EPB41L4A: variants seen among roughly 807,000 people sequenced by gnomAD.
EPB41L4A encodes the protein erythrocyte membrane protein band 4.1 like 4A.
Under a neutral mutation model 108.6 loss-of-function variants are expected in EPB41L4A, and 100 were observed. That is an observed-to-expected ratio of 0.92 (90% confidence interval 0.78 to 1.09). The LOEUF is 1.09. EPB41L4A is among the 50% of genes least tolerant of loss of function. The pLI is 0.00. For synonymous variants in EPB41L4A, 319 were observed against 289.0 expected (o/e 1.10, Z -1.05); for missense variants, 1,030 against 842.7 (o/e 1.22, Z -2.75).
At chr5:112,373,656 C>T (rs753188677) in intron 1 of EPB41L4A, among the ~76,000 whole-genome samples, 10 of 152,172 alleles carry the variant, frequency 6.6e-5, no homozygotes, top group Non-Finnish European at 1.0e-4. Flanking sequence ...ACTTGCCCAG[C>T]CAGCAAGTGG....
intron 1 of EPB41L4A, among the ~76,000 whole-genome samples, chr5:112,383,884 C>T (rs1760326765): frequency 6.6e-6 from 1 of 152,120 alleles, no homozygotes; most frequent in South Asian, 2.1e-4. Context: ...TTGTATATCT[C>T]AAGATAAATT....
intron 10 of EPB41L4A, among the ~76,000 whole-genome samples, chr5:112,240,465 AT>A (rs1749688865): frequency 6.6e-6 from 1 of 152,208 alleles, no homozygotes; most frequent in African/African-American, 2.4e-5. Context: ...AACCTAAAAA[AT>A]ATTACCTCGA....
chr5:112,193,333 T>C (rs1336144463), intron 17 of EPB41L4A, among the ~76,000 whole-genome samples: 2 of 152,168 alleles, frequency 1.3e-5, no homozygotes, highest in Non-Finnish European at 2.9e-5. Flanking sequence ...ATGAAGTTTC[T>C]CTCTTGCTGC....
chr5:112,401,652 T>C (rs1034291941), intron 1 of EPB41L4A, among the ~76,000 whole-genome samples: 1 of 152,222 alleles, frequency 6.6e-6, no homozygotes, highest in African/African-American at 2.4e-5. Context: ...TGTATCTTTA[T>C]TGACTCTCAC....
chr5:112,351,211 A>T (rs1423147825), intron 1 of EPB41L4A, among the ~76,000 whole-genome samples: 2 of 152,220 alleles, frequency 1.3e-5, no homozygotes, highest in Non-Finnish European at 2.9e-5. Flanking sequence ...TTAAAAAGGT[A>T]AACAAAATCA....
At chr5:112,235,022 G>C (rs926482850) in intron 11 of EPB41L4A, among the ~76,000 whole-genome samples, 1 of 152,196 alleles carries the variant, frequency 6.6e-6, no homozygotes, top group African/African-American at 2.4e-5. Flanking sequence ...TCAGTAGAAT[G>C]ATGGGCTAGA....
intron 1 of EPB41L4A, among the ~76,000 whole-genome samples, chr5:112,393,936 T>C (rs1252673305): frequency 1.3e-5 from 2 of 151,984 alleles, no homozygotes; most frequent in African/African-American, 2.4e-5. Flanking sequence ...TGGTTCAACA[T>C]ACGCAAATCA....
intron 1 of EPB41L4A, among the ~76,000 whole-genome samples, chr5:112,335,860 C>T (rs970138926): frequency 1.3e-5 from 2 of 152,210 alleles, no homozygotes; most frequent in Admixed American, 1.3e-4. Context: ...TGACCCATCA[C>T]AGCTGGTGTT....
chr5:112,191,999 G>C (rs1257697265), intron 17 of EPB41L4A: 1 of 152,146 alleles, frequency 6.6e-6, no homozygotes, highest in Non-Finnish European at 1.5e-5. Flanking sequence ...CCCCATTATT[G>C]GGTTACCGGA....
At chr5:112,334,819 C>A (rs1224895937) in intron 1 of EPB41L4A, among the ~76,000 whole-genome samples, 2 of 152,070 alleles carry the variant, frequency 1.3e-5, no homozygotes, top group African/African-American at 4.8e-5. Flanking sequence ...GCAAAATAAA[C>A]CCCTAAACTG....
At chr5:112,145,971 C>T in exon 13 of EPB41L4A, 2 of 456,624 alleles carry the variant, frequency 4.4e-6, no homozygotes, top group South Asian at 3.1e-5. Flanking sequence ...AGTTCTCTGC[C>T]CTTTCTAGGT....
chr5:112,225,673 T>C (rs10477478), intron 12 of EPB41L4A, among the ~76,000 whole-genome samples: 33,769 of 152,168 alleles, frequency 0.22, 4,430 homozygotes, highest in Non-Finnish European at 0.3. Flanking sequence ...TCTGCATGCA[T>C]ACTTTCCCAC....
chr5:112,337,977 G>T (rs1321865114), intron 1 of EPB41L4A, among the ~76,000 whole-genome samples: 5 of 152,078 alleles, frequency 3.3e-5, no homozygotes, highest in Non-Finnish European at 7.4e-5. Context: ...GACCCCATTT[G>T]TCTGAGGGTG....
intron 11 of EPB41L4A, among the ~76,000 whole-genome samples, chr5:112,237,176 A>G (rs1260507416): frequency 6.6e-6 from 1 of 152,218 alleles, no homozygotes; most frequent in Non-Finnish European, 1.5e-5. Flanking sequence ...TGTATAACAA[A>G]ATGTTTAATC....
intron 1 of EPB41L4A, among the ~76,000 whole-genome samples, chr5:112,323,763 G>T (rs950188509): frequency 6.6e-6 from 1 of 152,100 alleles, no homozygotes; most frequent in African/African-American, 2.4e-5. Context: ...TTATTTAGAG[G>T]TTATTCTGCA....
At chr5:112,186,707 C>A (rs1050375632) in intron 17 of EPB41L4A, among the ~76,000 whole-genome samples, 1 of 152,128 alleles carries the variant, frequency 6.6e-6, no homozygotes, top group Non-Finnish European at 1.5e-5. Context: ...GCGGCCTTGG[C>A]CTGTAATGAA....
chr5:112,142,512 T>A (rs1190564795), exon 14 of EPB41L4A: 1 of 152,240 alleles, frequency 6.6e-6, no homozygotes, highest in Non-Finnish European at 1.5e-5. Flanking sequence ...GTCAAGAATA[T>A]ACTCATGGAA....
At chr5:112,261,350 T>G (rs1751470171) in intron 7 of EPB41L4A, among the ~76,000 whole-genome samples, 1 of 152,222 alleles carries the variant, frequency 6.6e-6, no homozygotes, top group South Asian at 2.1e-4. Flanking sequence ...TTATTTGCAC[T>G]AGATAAAGTT....
downstream of EPB41L4A, among the ~76,000 whole-genome samples, chr5:112,157,871 C>A (rs369280390): frequency 6.6e-5 from 10 of 152,330 alleles, no homozygotes; most frequent in South Asian, 1.9e-3. Context: ...ATTTGCACTA[C>A]CACTGTGTGG....
Sources: allele counts gnomAD v4.1 joint callset (sites outside exome capture counted in the v4.1 genomes callset), GRCh38; gene constraint gnomAD v4.1.1; transcripts MANE v1.5; gene names NCBI Gene and HGNC (gene_info 2026-07-23, HGNC 2026-07-21).